MAML3: variants seen among roughly 807,000 people sequenced by gnomAD.
MAML3 encodes the protein mastermind-like protein 3.
In MAML3, 27 loss-of-function variants were observed where a neutral mutation model predicts 101.9. The ratio of observed to expected loss-of-function variants is 0.27; its 90% CI spans 0.20 to 0.37. The LOEUF (loss-of-function observed/expected upper bound fraction) is 0.37, where lower values mean the gene tolerates loss of function less well. MAML3 is among the 10% of genes least tolerant of loss of function. The pLI, the probability that MAML3 is intolerant of heterozygous loss-of-function variation, is 1.00. For synonymous variants in MAML3, 501 were observed against 555.9 expected, an observed-to-expected ratio of 0.90 and a Z score of 1.39; for missense variants, 1,316 against 1,444.9, an observed-to-expected ratio of 0.91 and a Z score of 1.45.
Position 139,889,804 on chromosome 4 carries a change from G to A in MAML3, c.1632C>T (p.Pro544=), listed in dbSNP as rs765026823. 3.7e-6 allele frequency: 6 copies of A among 1,613,846 alleles called. No individual in the cohort carries two copies. In the South Asian group the frequency reaches 6.6e-5, roughly 18 times the overall value. Residue 544 remains proline (P), a synonymous_variant, in exon 2 of 5, where the codon CCC becomes CCT. Coordinates refer to ENST00000509479, the MANE Select transcript of MAML3 (RefSeq NM_018717.5). ...AEKPNSPMMY[P]QAFNNQNPIV... Reference sequence around the variant, plus strand: ...TAGGGTTTTGGTTGTTAAAGGCTTGGGGGTACATCATTGGGCTATTTGGTT... The same window carrying A: ...TAGGGTTTTGGTTGTTAAAGGCTTGAGGGTACATCATTGGGCTATTTGGTT...
chr4:139,878,938 A>G (rs1427389303), intron 2 of MAML3, among the ~76,000 whole-genome samples: 2 of 152,130 alleles, frequency 1.3e-5, no homozygotes, highest in Non-Finnish European at 2.9e-5. Context: ...GCACTATAAG[A>G]CTGTGCCCTT....
chr4:139,949,329 A>G (rs1022172777), intron 1 of MAML3, among the ~76,000 whole-genome samples: 61 of 152,302 alleles, frequency 4.0e-4, no homozygotes, highest in African/African-American at 1.3e-3. Context: ...GTAGAAATTA[A>G]TTAGTCTCAG....
intron 2 of MAML3, among the ~76,000 whole-genome samples, chr4:139,881,177 G>A (rs547835627): frequency 5.9e-5 from 9 of 152,196 alleles, no homozygotes; most frequent in Admixed American, 2.6e-4. Context: ...ATTAAGAATC[G>A]GACCAGATAC....
intron 1 of MAML3, among the ~76,000 whole-genome samples, chr4:140,042,746 T>C (rs1383774466): frequency 1.3e-5 from 2 of 152,092 alleles, no homozygotes; most frequent in African/African-American, 2.4e-5. Flanking sequence ...GATTTGGCTA[T>C]GAGATGAAAA....
At chr4:139,748,752 G>T (rs1449772134) in intron 2 of MAML3, among the ~76,000 whole-genome samples, 1 of 103,344 alleles carries the variant, frequency 9.7e-6, no homozygotes, top group Non-Finnish European at 1.9e-5. Flanking sequence ...TTGGAAAGTT[G>T]AGCAATTTCA....
chr4:140,105,058 C>G (rs995641433), intron 1 of MAML3, among the ~76,000 whole-genome samples: 4 of 152,014 alleles, frequency 2.6e-5, no homozygotes, highest in Non-Finnish European at 5.9e-5. Context: ...CACCAGAATC[C>G]CCTGCTTAAC....
intron 2 of MAML3, among the ~76,000 whole-genome samples, chr4:139,851,840 T>C (rs2111156325): frequency 6.6e-6 from 1 of 152,300 alleles, no homozygotes; most frequent in African/African-American, 2.4e-5. Flanking sequence ...TGAAGGGATG[T>C]TCCTGCCAGA....
At chr4:140,014,561 T>C (rs1726613633) in intron 1 of MAML3, among the ~76,000 whole-genome samples, 1 of 152,224 alleles carries the variant, frequency 6.6e-6, no homozygotes, top group Non-Finnish European at 1.5e-5. Context: ...GAAAAAGAAA[T>C]GATACCTGCC....
chr4:139,880,767 T>G (rs1732202005), intron 2 of MAML3, among the ~76,000 whole-genome samples: 1 of 152,156 alleles, frequency 6.6e-6, no homozygotes, highest in Non-Finnish European at 1.5e-5. Context: ...AAATTTCAAT[T>G]TGGACAATAT....
intron 2 of MAML3, among the ~76,000 whole-genome samples, chr4:139,872,376 G>A (rs573057177): frequency 8.5e-4 from 129 of 152,310 alleles, no homozygotes; most frequent in African/African-American, 2.8e-3. Flanking sequence ...ATGGGAAATG[G>A]AAAGAAAAGC....
chr4:140,005,927 A>G (rs2110851396), intron 1 of MAML3, among the ~76,000 whole-genome samples: 1 of 152,380 alleles, frequency 6.6e-6, no homozygotes, highest in South Asian at 2.1e-4. Context: ...TGTTAAAGAC[A>G]TTACTGCTGT....
intron 1 of MAML3, among the ~76,000 whole-genome samples, chr4:139,991,809 G>A (rs954115071): frequency 3.9e-5 from 6 of 151,934 alleles, no homozygotes; most frequent in East Asian, 1.9e-4. Context: ...TCATGCCACC[G>A]TACTTCAGCC....
intron 1 of MAML3, among the ~76,000 whole-genome samples, chr4:140,123,038 A>C (rs1351885065): frequency 6.6e-6 from 1 of 151,876 alleles, no homozygotes; most frequent in Non-Finnish European, 1.5e-5. Context: ...ACTCAAAATC[A>C]GACAAAAATA....
At chr4:139,871,778 A>T (rs1732011506) in intron 2 of MAML3, among the ~76,000 whole-genome samples, 2 of 152,178 alleles carry the variant, frequency 1.3e-5, no homozygotes, top group South Asian at 4.1e-4. Flanking sequence ...TCAACAGTCC[A>T]TTAAAAATAA....
At chr4:139,988,901 GCAATCACTTTCAAATAC>G (rs1734608231) in intron 1 of MAML3, among the ~76,000 whole-genome samples, 2 of 152,138 alleles carry the variant, frequency 1.3e-5, no homozygotes, top group South Asian at 4.2e-4. Flanking sequence ...TAAACAGGGG[GCAATCACTTTCAAATAC>G]CACACATTCC....
At chr4:140,138,157 G>A (rs559047241) in intron 1 of MAML3, among the ~76,000 whole-genome samples, 1 of 152,332 alleles carries the variant, frequency 6.6e-6, no homozygotes, top group East Asian at 1.9e-4. Flanking sequence ...ACCATTTCAT[G>A]TTCCTAGTTC....
intron 2 of MAML3, among the ~76,000 whole-genome samples, chr4:139,738,593 G>A (rs771277728): frequency 2.6e-5 from 4 of 152,112 alleles, no homozygotes; most frequent in Non-Finnish European, 5.9e-5. Context: ...GGAGCTAAAT[G>A]CTTAATTGAT....
At chr4:139,772,109 A>T (rs1045161711) in intron 2 of MAML3, among the ~76,000 whole-genome samples, 1 of 151,018 alleles carries the variant, frequency 6.6e-6, no homozygotes, top group Non-Finnish European at 1.5e-5. Context: ...GCGCGGTGGC[A>T]GGTGCCTGTA....
At chr4:139,725,401 T>C (rs1397773209) in intron 4 of MAML3, among the ~76,000 whole-genome samples, 2 of 152,188 alleles carry the variant, frequency 1.3e-5, no homozygotes, top group Non-Finnish European at 2.9e-5. Context: ...AAAATTGATA[T>C]GCAGCCAACA....
Sources: gnomAD v4.1 joint callset for allele counts (sites outside exome capture counted in the v4.1 genomes callset) on GRCh38, gnomAD v4.1.1 for gene constraint, MANE v1.5 for transcripts, NCBI Gene and HGNC (gene_info 2026-07-23, HGNC 2026-07-21) for gene names.